The following RNF144A variants were observed in gnomAD, a reference collection of about 807,000 sequenced individuals.
RNF144A encodes ring finger protein 144A.
In RNF144A, 11 loss-of-function variants were observed where a neutral mutation model predicts 38.7. That is an observed-to-expected ratio of 0.28 (90% CI 0.18 to 0.47). RNF144A has a LOEUF of 0.47. RNF144A is among the 20% of genes least tolerant of loss of function. RNF144A has a pLI of 0.99. For missense variants in RNF144A, 316 were observed against 377.2 expected, an observed-to-expected ratio of 0.84 and a Z score of 1.34; for synonymous variants, 149 against 143.9, an observed-to-expected ratio of 1.04 and a Z score of -0.25.
chr2:6,974,355 C>T (rs771255), intron 2 of RNF144A, among the ~76,000 whole-genome samples: 152,321 of 152,332 alleles, frequency 1, 76,155 homozygotes, highest in Non-Finnish European at 1. Context: ...ATCCATCTGC[C>T]GTTGCCGTGT....
intron 5 of RNF144A, among the ~76,000 whole-genome samples, chr2:7,017,371 T>A (rs917376786): frequency 6.6e-6 from 1 of 151,650 alleles, no homozygotes; most frequent in East Asian, 1.9e-4. Flanking sequence ...TACGATGGGT[T>A]ATCCACCTGT....
At chr2:6,991,805 A>G (rs950196020) in intron 2 of RNF144A, among the ~76,000 whole-genome samples, 8 of 152,112 alleles carry the variant, frequency 5.3e-5, no homozygotes, top group Non-Finnish European at 1.0e-4. Flanking sequence ...ACATACATAT[A>G]TATCTCTCTC....
At chr2:6,979,318 G>C (rs1294689255) in intron 2 of RNF144A, among the ~76,000 whole-genome samples, 1 of 152,144 alleles carries the variant, frequency 6.6e-6, no homozygotes, top group Non-Finnish European at 1.5e-5. Context: ...CTGGTTATTA[G>C]GACAGGCAGT....
chr2:6,956,268 A>C (rs1178600571), intron 2 of RNF144A, among the ~76,000 whole-genome samples: 2 of 151,852 alleles, frequency 1.3e-5, no homozygotes, highest in East Asian at 1.9e-4. Flanking sequence ...GATAAGGTGC[A>C]CAGTTATAGC....
intron 2 of RNF144A, among the ~76,000 whole-genome samples, chr2:6,995,274 G>C (rs752566857): frequency 6.6e-6 from 1 of 151,916 alleles, no homozygotes; most frequent in Non-Finnish European, 1.5e-5. Context: ...ATGACAGTAA[G>C]TCCCAAACCT....
Position 7,041,720 on chromosome 2 carries a change from A to C in RNF144A, c.*1960A>C, listed in dbSNP as rs1176655000. ...ATGGGAGGCCTGTGGCCCTGTGTCC[A>C]GTGGCCCACAGGACACGCCTCCACC... On this transcript the variant is annotated 3_prime_UTR_variant, in exon 9 of 9. Coordinates refer to ENST00000320892, the MANE Select transcript of RNF144A (RefSeq NM_014746.6). 1 of 985,294 alleles carries C rather than the reference A, an allele frequency of 1.0e-6. No individual in the cohort carries two copies. The highest frequency in any genetic ancestry group is 1.7e-5 in the African/African-American group (1 of 57,202). 61.0% of individuals were successfully genotyped at this position (985,294 alleles called of 1,614,324 possible).
chr2:7,069,057 A>C (rs1674351685), downstream of RNF144A, among the ~76,000 whole-genome samples: 1 of 152,240 alleles, frequency 6.6e-6, no homozygotes, highest in Non-Finnish European at 1.5e-5. Context: ...CTAAGTCAAT[A>C]GTAGCCCAGC....
intron 2 of RNF144A, among the ~76,000 whole-genome samples, chr2:6,956,851 T>A (rs1439762042): frequency 1.3e-5 from 2 of 152,202 alleles, no homozygotes; most frequent in East Asian, 3.8e-4. Context: ...AATTATTACT[T>A]ATCTGCAGCA....
intron 5 of RNF144A, among the ~76,000 whole-genome samples, chr2:7,015,619 G>A (rs1671086285): frequency 6.6e-6 from 1 of 152,212 alleles, no homozygotes; most frequent in Non-Finnish European, 1.5e-5. Context: ...AAATACTCCG[G>A]GGTCATACAA....
At chr2:7,049,194 T>C (rs1410226616) in intron 6 of RNF144A, among the ~76,000 whole-genome samples, 1 of 152,184 alleles carries the variant, frequency 6.6e-6, no homozygotes, top group Non-Finnish European at 1.5e-5. Context: ...GGGGATGGGC[T>C]GGCCTTCCAG....
intron 3 of RNF144A, among the ~76,000 whole-genome samples, chr2:6,999,137 G>C (rs973622278): frequency 6.6e-6 from 1 of 152,252 alleles, no homozygotes; most frequent in Non-Finnish European, 1.5e-5. Flanking sequence ...AGCTAGCACT[G>C]TGTTCTCCGA....
At chr2:6,985,931 C>T (rs1359033005) in intron 2 of RNF144A, among the ~76,000 whole-genome samples, 1 of 152,208 alleles carries the variant, frequency 6.6e-6, no homozygotes, top group Non-Finnish European at 1.5e-5. Flanking sequence ...ACCTCGGCCT[C>T]CCAAAATGCT....
Position 6,917,449 on chromosome 2 carries a change from C to T in RNF144A, c.-385C>T, listed in dbSNP as rs1005089526. 7.5e-5 allele frequency: 11 copies of T among 146,880 alleles called. No individual in the cohort carries two copies. Among genetic ancestry groups the T allele is most frequent in the South Asian group, 2.1e-4 (1 of 4,818 alleles). The allele number at this position is 146,880 out of a possible 1,614,324, so 9.1% of individuals were successfully genotyped here. A position where few individuals can be genotyped will look rare whatever the true frequency, so the allele number is the denominator to read the frequency against. On this transcript the variant is annotated 5_prime_UTR_variant, in exon 1 of 9. Transcript: ENST00000320892. This position sits in a 1 kb window ranked among gnomAD's most constrained non-coding sequence, Gnocchi z 4.8. Reference sequence around the variant, plus strand: ...TCGCGCCCCGCCCGCGCAGCCGCTTCTCCCCGCGCGGGCTCTCGGCAGGCG... The same window carrying T: ...TCGCGCCCCGCCCGCGCAGCCGCTTTTCCCCGCGCGGGCTCTCGGCAGGCG...
chr2:7,061,267 C>T (rs1337420202), intron 6 of RNF144A, among the ~76,000 whole-genome samples: 3 of 152,200 alleles, frequency 2.0e-5, no homozygotes, highest in Non-Finnish European at 2.9e-5. Context: ...TTTTACTGCA[C>T]AGTTTTATGT....
At chr2:6,985,594 G>A (rs972142294) in intron 2 of RNF144A, among the ~76,000 whole-genome samples, 3 of 152,124 alleles carry the variant, frequency 2.0e-5, no homozygotes, top group Non-Finnish European at 2.9e-5. Flanking sequence ...TTTAATAGAC[G>A]GAATACAACT....
intron 2 of RNF144A, among the ~76,000 whole-genome samples, chr2:6,946,831 C>T (rs1183228075): frequency 6.6e-6 from 1 of 151,936 alleles, no homozygotes; most frequent in African/African-American, 2.4e-5. Flanking sequence ...TTAGTATAGT[C>T]TCTTGATGTG....
chr2:7,043,552 C>CTTGT lies in RNF144A; in HGVS notation c.*3795_*3798dup. ...AAGTTCTCTTTAAAAAATACCAAAG[C>CTTGT]TTGTTTATTTCTGATAATTAACCTA... On this transcript the variant is annotated 3_prime_UTR_variant, in exon 9 of 9. Coordinates refer to ENST00000320892, the MANE Select transcript of RNF144A (RefSeq NM_014746.6). 1 of 985,680 alleles carries CTTGT rather than the reference C, an allele frequency of 1.0e-6. No homozygotes were observed. The highest frequency in any genetic ancestry group is 1.2e-6 in the Non-Finnish European group (1 of 829,796). The allele number at this position is 985,680 out of a possible 1,614,324, so 61.1% of individuals were successfully genotyped here.
At position 6,942,667 on chromosome 2, in the gene RNF144A, G is replaced by A. The variant is rs115987359; in HGVS notation, c.-12+1520G>A. On this transcript the variant is annotated intron_variant, in intron 2 of 8. Coordinates refer to ENST00000320892, the MANE Select transcript of RNF144A (RefSeq NM_014746.6). ...ACCAGTGGAGATGGAGTAGGTTGCAGCCAGAGAAGGTTTGGGTGCAAAAAG... is the reference window on the plus strand; with the variant it reads ...ACCAGTGGAGATGGAGTAGGTTGCAACCAGAGAAGGTTTGGGTGCAAAAAG... Among the ~76,000 whole-genome samples the A allele has an allele frequency of 5.8e-3, 880 of 152,302 alleles. 8 individuals carry two copies. Among genetic ancestry groups the A allele is most frequent in the African/African-American group, 0.02 (822 of 41,562 alleles).
chr2:7,020,932 C>T (rs150842418), intron 6 of RNF144A, among the ~76,000 whole-genome samples: 58 of 152,324 alleles, frequency 3.8e-4, no homozygotes, highest in African/African-American at 1.2e-3. Context: ...ACACTTAACA[C>T]GGCTTGGCTG....
Sources: gnomAD v4.1 joint callset for allele counts (sites outside exome capture counted in the v4.1 genomes callset) on GRCh38, gnomAD v4.1.1 for gene constraint, Gnocchi (gnomAD v3.1) non-coding constraint, MANE v1.5 for transcripts, NCBI Gene and HGNC (gene_info 2026-07-23, HGNC 2026-07-21) for gene names.